Variants in TNIK observed in about 807,000 individuals in gnomAD.
TNIK encodes TRAF2 and NCK-interacting protein kinase.
A neutral mutation model predicts 191.3 loss-of-function variants in TNIK; 49 were observed. That is an observed-to-expected ratio of 0.26 (90% confidence interval 0.20 to 0.32). TNIK has a LOEUF of 0.32. Among genes scored for constraint, TNIK ranks in the 10% least tolerant of loss-of-function variants. TNIK has a pLI of 1.00. For synonymous variants in TNIK, 594 were observed against 600.9 expected (o/e 0.99, Z 0.17); for missense variants, 1,155 against 1,702.3 (o/e 0.68, Z 5.66).
chr3:171,420,435 A>G (rs1723640480), intron 1 of TNIK, among the ~76,000 whole-genome samples: 2 of 152,140 alleles, frequency 1.3e-5, no homozygotes, highest in Admixed American at 1.3e-4. Flanking sequence ...CCCAGTTCCA[A>G]TCCAAAACCA....
At chr3:171,112,586 C>G (rs1726010539) in intron 18 of TNIK, among the ~76,000 whole-genome samples, 1 of 151,822 alleles carries the variant, frequency 6.6e-6, no homozygotes, top group Non-Finnish European at 1.5e-5. Flanking sequence ...CTCACTTATG[C>G]GTGGAATCTA....
chr3:171,411,950 A>C (rs1175672658), intron 1 of TNIK, among the ~76,000 whole-genome samples: 2 of 152,168 alleles, frequency 1.3e-5, no homozygotes, highest in Non-Finnish European at 1.5e-5. Flanking sequence ...GTTCTGTCTG[A>C]ATCCTTTCTT....
chr3:171,381,511 A>G (rs1718028140), intron 1 of TNIK, among the ~76,000 whole-genome samples: 1 of 152,190 alleles, frequency 6.6e-6, no homozygotes, highest in African/African-American at 2.4e-5. Flanking sequence ...GTATAGAGCA[A>G]TCTTTTCTGT....
At chr3:171,223,822 CAA>C (rs1271859355) in intron 3 of TNIK, among the ~76,000 whole-genome samples, 1 of 152,000 alleles carries the variant, frequency 6.6e-6, no homozygotes, top group African/African-American at 2.4e-5. Flanking sequence ...ACTTAAGGAC[CAA>C]ATCAGTTTTG....
In TNIK at chr3:171,138,325, G is replaced by C; in HGVS notation, c.1474C>G (p.Gln492Glu). Residue 492 changes from glutamine to glutamate, a missense_variant, in exon 15 of 33, where the codon CAG becomes GAG. By Grantham distance (29) the Gln-to-Glu change is conservative. This residue lies in a region of TNIK where 735 missense variants were observed against 848.0 expected (regional missense o/e 0.87). Transcript: ENST00000436636. ...AAGTAGTCTCTTTCTTGCTTTAGCTGCCTCTGCAGTCTTTCTGCTTGTCTC... is the reference window on the plus strand; with the variant it reads ...AAGTAGTCTCTTTCTTGCTTTAGCTCCCTCTGCAGTCTTTCTGCTTGTCTC... ...EQRQAERLQR[Q>E]LKQERDYLVS... 6.2e-7 allele frequency: 1 copy of C among 1,612,482 alleles called. No homozygotes were observed. Among genetic ancestry groups the C allele is most frequent in the Non-Finnish European group, 8.5e-7 (1 of 1,179,422 alleles).
In TNIK at chr3:171,061,037, C is replaced by G. The variant is rs929237253; in HGVS notation, c.*2844G>C. Among the ~76,000 whole-genome samples, 3 of 151,862 alleles carry G rather than the reference C, an allele frequency of 2.0e-5. No homozygotes were observed. Among genetic ancestry groups the G allele is most frequent in the African/African-American group, 7.3e-5 (3 of 41,332 alleles). The stretch of plus-strand genomic sequence containing the variant: ...ACTGAAGATTTTTTTTGTTGAGATG[C>G]TATAAAAATGGATGAAAAGCAACCG... On this transcript the variant is annotated 3_prime_UTR_variant, in exon 33 of 33. Transcript: ENST00000436636.
intron 21 of TNIK, among the ~76,000 whole-genome samples, chr3:171,104,391 C>T (rs1724290388): frequency 6.6e-6 from 1 of 151,074 alleles, no homozygotes; most frequent in Non-Finnish European, 1.5e-5. Flanking sequence ...TATTACTTGG[C>T]TGTCACAAGC....
chr3:171,237,778 C>G (rs1043867721), intron 2 of TNIK, among the ~76,000 whole-genome samples: 9 of 152,040 alleles, frequency 5.9e-5, no homozygotes, highest in African/African-American at 2.2e-4. Flanking sequence ...AAAAATTAGC[C>G]AGACCTAGTG....
chr3:171,377,348 C>A (rs1171958619), intron 1 of TNIK, among the ~76,000 whole-genome samples: 1 of 152,200 alleles, frequency 6.6e-6, no homozygotes, highest in Non-Finnish European at 1.5e-5. Context: ...TAATGTGCAG[C>A]AGCCAGCAGT....
chr3:171,267,085 A>T (rs1054264315), intron 2 of TNIK, among the ~76,000 whole-genome samples: 1 of 152,244 alleles, frequency 6.6e-6, no homozygotes, highest in African/African-American at 2.4e-5. Flanking sequence ...GATGCATTTA[A>T]CTTTTTTAAA....
intron 2 of TNIK, among the ~76,000 whole-genome samples, chr3:171,286,446 G>C (rs71308503): frequency 0.026 from 3,884 of 152,210 alleles, 59 homozygotes; most frequent in Middle Eastern, 0.037. Context: ...TACAGCCTGG[G>C]CAACATGGTG....
chr3:171,261,134 CA>C, intron 2 of TNIK, among the ~76,000 whole-genome samples: 1 of 152,294 alleles, frequency 6.6e-6, no homozygotes, highest in South Asian at 2.1e-4. Context: ...TCTCCAGCCT[CA>C]GCTTTGGTGC....
intron 2 of TNIK, among the ~76,000 whole-genome samples, chr3:171,247,124 G>A (rs1228184725): frequency 1.3e-5 from 2 of 152,202 alleles, no homozygotes; most frequent in Admixed American, 1.3e-4. Flanking sequence ...TAAGGAGTAC[G>A]ATGTTAAAGA....
intron 2 of TNIK, among the ~76,000 whole-genome samples, chr3:171,265,969 A>G (rs80053340): frequency 6.6e-6 from 1 of 152,224 alleles, no homozygotes; most frequent in Non-Finnish European, 1.5e-5. Context: ...CCAGGCTGTC[A>G]TGGCACCTCC....
intron 1 of TNIK, among the ~76,000 whole-genome samples, chr3:171,445,434 A>G (rs1419256591): frequency 6.6e-6 from 1 of 151,912 alleles, no homozygotes; most frequent in African/African-American, 2.4e-5. Context: ...AAAAAAAAAA[A>G]AAGTTGAGAG....
intron 2 of TNIK, among the ~76,000 whole-genome samples, chr3:171,355,279 A>T (rs893957406): frequency 6.6e-6 from 1 of 152,124 alleles, no homozygotes; most frequent in Non-Finnish European, 1.5e-5. Flanking sequence ...GGGCATATTC[A>T]TATGGAGCAG....
chr3:171,168,509 A>T (rs1292717592), intron 9 of TNIK, among the ~76,000 whole-genome samples: 1 of 151,804 alleles, frequency 6.6e-6, no homozygotes, highest in Non-Finnish European at 1.5e-5. Flanking sequence ...TGTATGCACC[A>T]CTCTCTAGTG....
At chr3:171,295,754 G>A (rs1483204651) in intron 2 of TNIK, among the ~76,000 whole-genome samples, 3 of 152,200 alleles carry the variant, frequency 2.0e-5, no homozygotes, top group African/African-American at 7.2e-5. Flanking sequence ...CCACAGACCA[G>A]GGAGGTAGCC....
At position 171,261,062 on chromosome 3, in the gene TNIK, G is replaced by A. The variant is rs75130887; in HGVS notation, c.124-32841C>T. 5.3e-3 allele frequency among the ~76,000 whole-genome samples: 805 copies of A among 152,106 alleles called. 5 individuals are homozygous for A. The highest frequency in any genetic ancestry group is 9.1e-3 in the Admixed American group (139 of 15,270). On this transcript the variant is annotated intron_variant, in intron 2 of 32. Coordinates refer to ENST00000436636, the MANE Select transcript of TNIK (RefSeq NM_015028.4). ...AGTCACATTTCAAAGAGATTTTGTC[G>A]GCTCTCCTTTCTTCCTCTATCAAAA...
Sources: allele counts gnomAD v4.1 joint callset (sites outside exome capture counted in the v4.1 genomes callset), GRCh38; gene constraint gnomAD v4.1.1; regional missense constraint gnomAD v4.1.1; transcripts MANE v1.5; gene names NCBI Gene and HGNC (gene_info 2026-07-23, HGNC 2026-07-21).